Variants in ZZEF1 observed in about 807,000 individuals in gnomAD.
ZZEF1 encodes the protein zinc finger ZZ-type and EF-hand domain containing 1.
Under a neutral mutation model 342.8 loss-of-function variants are expected in ZZEF1, and 157 were observed. The ratio of observed to expected loss-of-function variants is 0.46; its 90% CI spans 0.40 to 0.52. The LOEUF is 0.52. Among genes scored for constraint, ZZEF1 ranks in the 20% least tolerant of loss-of-function variants. The pLI, the probability that ZZEF1 is intolerant of heterozygous loss-of-function variation, is 0.00. For synonymous variants in ZZEF1, 1,505 were observed against 1,429.1 expected (o/e 1.05, Z -1.20); for missense variants, 3,480 against 3,725.6 (o/e 0.93, Z 1.72).
chr17:4,077,015 T>C lies in ZZEF1; in HGVS notation c.2990-26A>G, dbSNP rs1008250129. The C allele has an allele frequency of 3.2e-6, 5 of 1,579,210 alleles. No homozygotes were observed. The African/African-American group carries it at 5.5e-5, about 17-fold the overall frequency. On this transcript the variant is annotated intron_variant, in intron 19 of 54. Transcript: ENST00000381638. Reference sequence around the variant, plus strand: ...CTACCGAAACAAAGAAAATAATTAATATATTATATAGTAGAAATGTCACAT... The same window carrying C: ...CTACCGAAACAAAGAAAATAATTAACATATTATATAGTAGAAATGTCACAT...
chr17:4,099,151 A>G (rs1186256757), intron 9 of ZZEF1, among the ~76,000 whole-genome samples: 1 of 151,298 alleles, frequency 6.6e-6, no homozygotes, highest in Non-Finnish European at 1.5e-5. Context: ...CAAAAACAAA[A>G]CCTTAAAAAA....
chr17:4,043,104 G>A (rs138951691), intron 38 of ZZEF1, among the ~76,000 whole-genome samples: 15 of 152,156 alleles, frequency 9.9e-5, no homozygotes, highest in Non-Finnish European at 1.8e-4. Context: ...TCTTACCCCC[G>A]CCCTCCCCAT....
chr17:4,093,817 C>T (rs1276466629), intron 11 of ZZEF1, among the ~76,000 whole-genome samples: 1 of 151,972 alleles, frequency 6.6e-6, no homozygotes, highest in East Asian at 1.9e-4. Context: ...CTTGTCTTAG[C>T]TTCTTCAATT....
intron 3 of ZZEF1, 28 bp from the exon 4 acceptor site, chr17:4,114,498 T>A (rs1359398768): frequency 7.0e-7 from 1 of 1,431,792 alleles, no homozygotes. Context: ...GTTGATTATA[T>A]GACATCCCTT....
At position 4,034,136 on chromosome 17, in the gene ZZEF1, C is replaced by G. The variant is rs141187226; in HGVS notation, c.6463G>C (p.Ala2155Pro). 8.1e-6 allele frequency: 13 copies of G among 1,614,030 alleles called. No homozygotes were observed. Among genetic ancestry groups the G allele is most frequent in the African/African-American group, 1.3e-5 (1 of 74,904 alleles). The change falls in exon 40 of 55, where the codon GCA (alanine) becomes CCA (proline). Residue 2155 changes from alanine (A) to proline (P), a missense_variant. Around this residue, in one of 5 missense-constraint regions of ZZEF1, gnomAD observed 1,269 missense variants for 1,342.4 expected, o/e 0.95. Coordinates refer to ENST00000381638, the MANE Select transcript of ZZEF1 (RefSeq NM_015113.4). Reference protein sequence around the residue: ...IRLLPAEVDAAVIKVLSAKHN... With the variant: ...IRLLPAEVDAPVIKVLSAKHN... ...TTGGCTGAGAGGACTTTGATCACTG[C>G]GGCGTCTACCTCTGCTGGCAAAAGA...
chr17:4,085,917 G>A lies in ZZEF1; in HGVS notation c.2513-114C>T. ...TCCATTTTGTACTTAATACCAGAGT[G>A]AAGAAGTATTTCTGTACAGGCCAGG... On this transcript the variant is annotated intron_variant, in intron 15 of 54. Transcript: ENST00000381638. 5.1e-6 allele frequency: 7 copies of A among 1,359,640 alleles called. No individual in the cohort carries two copies. The Middle Eastern group carries it at 1.5e-3, about 291-fold the overall frequency. 84.2% of individuals were successfully genotyped at this position (1,359,640 alleles called of 1,614,324 possible).
intron 11 of ZZEF1, among the ~76,000 whole-genome samples, chr17:4,094,069 TCTCATGTTGAC>T (rs1302888433): frequency 6.6e-6 from 1 of 152,162 alleles, no homozygotes; most frequent in African/African-American, 2.4e-5. Context: ...GCCTGGTGTG[TCTCATGTTGAC>T]CTAAGTTCTC....
intron 37 of ZZEF1, among the ~76,000 whole-genome samples, chr17:4,047,308 G>A (rs1219106597): frequency 1.3e-5 from 2 of 152,222 alleles, no homozygotes; most frequent in Non-Finnish European, 2.9e-5. Context: ...AAGCCAGGGA[G>A]GAGCAGTTTC....
Position 4,067,022 on chromosome 17 carries a change from A to G in ZZEF1, c.4155+141T>C, listed in dbSNP as rs772437594. 682 of 652,988 alleles carry G rather than the reference A, an allele frequency of 1.0e-3. 3 individuals carry two copies. Among genetic ancestry groups the G allele is most frequent in the Non-Finnish European group, 1.6e-3 (615 of 391,460 alleles). 40.4% of individuals were successfully genotyped at this position (652,988 alleles called of 1,614,324 possible). On this transcript the variant is annotated intron_variant, in intron 27 of 54. Transcript: ENST00000381638. ...AATTTCAAGGGTTCTAAATTGTTTT[A>G]TATCTATTCATGTCACTAAACTTTA...
rs140772533 is a variant in ZZEF1 at position 4,097,345 on chromosome 17, C to T, written c.1673-645G>A. 1.1e-3 allele frequency among the ~76,000 whole-genome samples: 166 copies of T among 152,096 alleles called. 1 individual carries two copies. In the East Asian group the frequency reaches 0.025, roughly 23 times the overall value. On this transcript the variant is annotated intron_variant, in intron 9 of 54. Transcript: ENST00000381638. ...AAAAGACTGGACAATCAATCATCTT[C>T]CTGAGCCACACCTACAACCATGGCT...
intron 11 of ZZEF1, among the ~76,000 whole-genome samples, chr17:4,091,637 C>A (rs1022622004): frequency 6.6e-6 from 1 of 152,000 alleles, no homozygotes; most frequent in African/African-American, 2.4e-5. Context: ...ATTAGCCAGG[C>A]GTGGTGGTGC....
intron 16 of ZZEF1, among the ~76,000 whole-genome samples, chr17:4,084,923 G>A (rs943030826): frequency 1.6e-4 from 25 of 152,082 alleles, no homozygotes; most frequent in African/African-American, 5.8e-4. Context: ...GACCAGCCTG[G>A]GCAATATGGC....
chr17:4,120,008 A>T (rs956580619), intron 2 of ZZEF1, among the ~76,000 whole-genome samples: 3 of 152,210 alleles, frequency 2.0e-5, no homozygotes, highest in African/African-American at 7.2e-5. Context: ...TAATCAAATT[A>T]AACAGCCAAC....
intron 34 of ZZEF1, among the ~76,000 whole-genome samples, chr17:4,053,139 C>A (rs1488608346): frequency 2.0e-5 from 3 of 152,210 alleles, no homozygotes; most frequent in African/African-American, 4.8e-5. Context: ...GACAGAACCA[C>A]CTTCCTCTAG....
Position 4,142,830 on chromosome 17 carries a change from G to A in ZZEF1, c.66C>T (p.Gly22=), listed in dbSNP as rs965266912. The A allele has an allele frequency of 6.4e-6, 9 of 1,399,498 alleles. No homozygotes were observed. Among genetic ancestry groups the A allele is most frequent in the Non-Finnish European group, 8.3e-6 (9 of 1,086,658 alleles). 86.7% of individuals were successfully genotyped at this position (1,399,498 alleles called of 1,614,324 possible). A position where few individuals can be genotyped will look rare whatever the true frequency, so the allele number is the denominator to read the frequency against. Reference sequence around the variant, plus strand: ...AGACCGCGGCCCAGTCCTGGTGTGGGCCCCAGCCCTCGCCACCGGCAGCTG... The same window carrying A: ...AGACCGCGGCCCAGTCCTGGTGTGGACCCCAGCCCTCGCCACCGGCAGCTG... ...EAAAAGGEGW[G]PHQDWAAVSG... The change falls in exon 1 of 55, where the codon GGC becomes GGT. Residue 22 remains glycine (G), a synonymous_variant. Coordinates refer to ENST00000381638, the MANE Select transcript of ZZEF1 (RefSeq NM_015113.4).
chr17:4,107,697 A>T (rs1314656612), intron 6 of ZZEF1, among the ~76,000 whole-genome samples: 1 of 152,236 alleles, frequency 6.6e-6, no homozygotes, highest in Non-Finnish European at 1.5e-5. Context: ...AGTACAAAAA[A>T]TGTATTAAGG....
At chr17:4,053,760 G>A (rs2057098934) in intron 34 of ZZEF1, among the ~76,000 whole-genome samples, 1 of 152,226 alleles carries the variant, frequency 6.6e-6, no homozygotes, top group Non-Finnish European at 1.5e-5. Flanking sequence ...AACACTGCAT[G>A]ATTCAGAAGC....
rs578098174 is a variant in ZZEF1, at chr17:4,142,772, G to A, written c.124C>T (p.Pro42Ser). The A allele has an allele frequency of 1.4e-6, 2 of 1,434,434 alleles. No homozygotes were observed. The highest frequency in any genetic ancestry group is 1.5e-5 in the South Asian group (1 of 68,304). The allele number at this position is 1,434,434 out of a possible 1,614,324, so 88.9% of individuals were successfully genotyped here. A position where few individuals can be genotyped will look rare whatever the true frequency, so the allele number is the denominator to read the frequency against. ...GTTPGPGVAA[P>S]ALPPAAALLE... is the part of the protein sequence containing the mutation. The stretch of plus-strand genomic sequence containing the variant: ...AGCGCCGCGGCGGGTGGTAGCGCTG[G>A]AGCCGCGACGCCCGGGCCGGGGGTC... The change falls in exon 1 of 55, where the codon CCA becomes TCA. Residue 42 changes from proline (P) to serine (S), a missense_variant. Physicochemically the swap from Pro to Ser is moderately conservative, Grantham distance 74. This residue lies in a region of ZZEF1 where 416 missense variants were observed against 374.2 expected (regional missense o/e 1.11). Coordinates refer to ENST00000381638, the MANE Select transcript of ZZEF1 (RefSeq NM_015113.4).
At chr17:4,057,287 G>A (rs1442609447) in intron 32 of ZZEF1, among the ~76,000 whole-genome samples, 1 of 152,196 alleles carries the variant, frequency 6.6e-6, no homozygotes, top group Non-Finnish European at 1.5e-5. Flanking sequence ...CGACAGCTGA[G>A]GTTCGTGAAC....
Sources: allele counts gnomAD v4.1 joint callset (sites outside exome capture counted in the v4.1 genomes callset), GRCh38; gene constraint gnomAD v4.1.1; regional missense constraint gnomAD v4.1.1; transcripts MANE v1.5; gene names NCBI Gene and HGNC (gene_info 2026-07-23, HGNC 2026-07-21).